Variants in SASS6 observed in about 807,000 individuals in gnomAD.
SASS6 encodes the protein SAS-6 centriolar assembly protein.
SASS6 carries 59 observed loss-of-function variants against 94.9 expected under a neutral mutation model. The ratio of observed to expected loss-of-function variants is 0.62; its 90% confidence interval spans 0.50 to 0.77. The LOEUF (loss-of-function observed/expected upper bound fraction) is 0.77. Ranked by LOEUF, SASS6 falls within the 30% of genes least tolerant of loss-of-function variation. The probability of loss-of-function intolerance (pLI) is 0.00; values close to 1 mark genes in which losing one functional copy is unlikely to be tolerated. For missense variants in SASS6, 698 were observed against 734.1 expected (o/e 0.95, Z 0.57); for synonymous variants, 264 against 270.0 (o/e 0.98, Z 0.22).
chr1:100,101,390 C>G (rs1652492575), intron 14 of SASS6, among the ~76,000 whole-genome samples: 1 of 151,070 alleles, frequency 6.6e-6, no homozygotes, highest in African/African-American at 2.4e-5. Flanking sequence ...ATCACCGATA[C>G]AGGAAACACT....
intron 14 of SASS6, among the ~76,000 whole-genome samples, chr1:100,095,648 A>G (rs974600064): frequency 2.6e-5 from 4 of 152,274 alleles, no homozygotes; most frequent in Non-Finnish European, 4.4e-5. Flanking sequence ...TTCAGATGAC[A>G]TAACTGTCTA....
chr1:100,120,460 C>A lies in SASS6; in HGVS notation c.484-1G>T. On this transcript the variant is annotated splice_acceptor_variant, in intron 5 of 16. Coordinates refer to ENST00000287482, the MANE Select transcript of SASS6 (RefSeq NM_194292.3). LOFTEE classifies it high-confidence loss of function. ...ATTGCATCAATGATAATTTTTCTTC[C>A]TATTCATAAAAATAATAAAATTACA... 1 of 1,339,594 alleles carries A rather than the reference C, an allele frequency of 7.5e-7. No individual in the cohort carries two copies. Among genetic ancestry groups the A allele is most frequent in the East Asian group, 2.3e-5 (1 of 43,546 alleles). 83.0% of individuals were successfully genotyped at this position (1,339,594 alleles called of 1,614,324 possible).
chr1:100,126,866 A>C (rs1654660996), intron 1 of SASS6, among the ~76,000 whole-genome samples: 1 of 152,252 alleles, frequency 6.6e-6, no homozygotes, highest in African/African-American at 2.4e-5. Flanking sequence ...TATTCCCTAC[A>C]TTTATTCATA....
At chr1:100,118,887 G>A (rs1469853204) in intron 7 of SASS6, 131 bp downstream of exon 7, 2 of 497,506 alleles carry the variant, frequency 4.0e-6, no homozygotes, top group Non-Finnish European at 3.2e-6. Flanking sequence ...TGAAAGAGAG[G>A]ATTTTTATTT....
At position 100,110,429 on chromosome 1, in the gene SASS6, G is replaced by A; in HGVS notation, c.724C>T (p.Leu242Phe). 5 of 1,611,170 alleles carry A rather than the reference G, an allele frequency of 3.1e-6. No individual in the cohort carries two copies. Among genetic ancestry groups the A allele is most frequent in the African/African-American group, 1.3e-5 (1 of 74,856 alleles). The change falls in exon 8 of 17, where the codon CTC becomes TTC. Residue 242 changes from leucine to phenylalanine, a missense_variant. Physicochemically the swap from Leu to Phe is conservative, Grantham distance 22. Coordinates refer to ENST00000287482, the MANE Select transcript of SASS6 (RefSeq NM_194292.3). ...HEQQKKDLEILHQQNIHQLQN... is the reference protein window; with the variant it reads ...HEQQKKDLEIFHQQNIHQLQN... Reference sequence around the variant, plus strand: ...AGCTGGTGGATGTTTTGTTGATGGAGGATTTCTAAATCTTTTTTCTGTTGT... The same window carrying A: ...AGCTGGTGGATGTTTTGTTGATGGAAGATTTCTAAATCTTTTTTCTGTTGT...
chr1:100,127,487 T>C (rs973487019), intron 1 of SASS6, among the ~76,000 whole-genome samples: 1 of 152,112 alleles, frequency 6.6e-6, no homozygotes, highest in African/African-American at 2.4e-5. Flanking sequence ...GTTGAACATA[T>C]GATTGGATGC....
At chr1:100,093,605 T>A (rs906657999) in intron 14 of SASS6, among the ~76,000 whole-genome samples, 1 of 151,502 alleles carries the variant, frequency 6.6e-6, no homozygotes, top group Non-Finnish European at 1.5e-5. Context: ...TACAAAAAAA[T>A]ACGAAAATTA....
At chr1:100,105,345 G>A (rs1652818758) in intron 13 of SASS6, among the ~76,000 whole-genome samples, 1 of 152,058 alleles carries the variant, frequency 6.6e-6, no homozygotes, top group South Asian at 2.1e-4. Flanking sequence ...TGGCTAACAG[G>A]GTGAAATCTG....
In SASS6 at chr1:100,107,887, A is replaced by C; in HGVS notation, c.979T>G (p.Leu327Val). 6.2e-7 allele frequency: 1 copy of C among 1,612,868 alleles called. No homozygotes were observed. Among genetic ancestry groups the C allele is most frequent in the Non-Finnish European group, 8.5e-7 (1 of 1,179,080 alleles). ...VNQLQTKVAV[L>V]EQEIKDKDQL... ...TCCTTATCCTTGATTTCCTGTTCTA[A>C]AACTGCCACTTTTGTTTGTAGCTGA... Residue 327 changes from leucine to valine, a missense_variant, in exon 9 of 17, where the codon TTA becomes GTA. Leu to Val is a conservative substitution (Grantham distance 32). Coordinates refer to ENST00000287482, the MANE Select transcript of SASS6 (RefSeq NM_194292.3).
At position 100,107,828 on chromosome 1, in the gene SASS6, A is replaced by G; in HGVS notation, c.1038T>C (p.Asp346=). 1 of 1,610,810 alleles carries G rather than the reference A, an allele frequency of 6.2e-7. No individual in the cohort carries two copies. Among genetic ancestry groups the G allele is most frequent in the Non-Finnish European group, 8.5e-7 (1 of 1,177,502 alleles). Reference sequence around the variant, plus strand: ...AGTAGACCTTTTGTTCCTGGATTGTATCAAATGCCTCTTTTGTTCTTAAAA... The same window carrying G: ...AGTAGACCTTTTGTTCCTGGATTGTGTCAAATGCCTCTTTTGTTCTTAAAA... ...QLVLRTKEAF[D]TIQEQKVVLE... Residue 346 remains aspartate (D), a synonymous_variant, in exon 9 of 17, where the codon GAT becomes GAC. Coordinates refer to ENST00000287482, the MANE Select transcript of SASS6 (RefSeq NM_194292.3).
chr1:100,085,600 G>A lies in SASS6; in HGVS notation c.1803C>T (p.Tyr601=). 3 of 1,611,814 alleles carry A rather than the reference G, an allele frequency of 1.9e-6. No individual in the cohort carries two copies. The highest frequency in any genetic ancestry group is 1.3e-5 in the African/African-American group (1 of 74,954). The change falls in exon 16 of 17, where the codon TAC becomes TAT. Residue 601 remains tyrosine, a synonymous_variant. Coordinates refer to ENST00000287482, the MANE Select transcript of SASS6 (RefSeq NM_194292.3). Reference sequence around the variant, plus strand: ...GAATGCTATCTTCCCTTTTCTTCAGGTATTTGGATTCCAACCCTACATTTT... The same window carrying A: ...GAATGCTATCTTCCCTTTTCTTCAGATATTTGGATTCCAACCCTACATTTT... ...NGENVGLESK[Y]LKKREDSIPL...
rs370706685 is a variant in SASS6 at position 100,105,937 on chromosome 1, T to C, written c.1409-34A>G. ...AAAGAACAAGAAGCAAGGTAAAGAA[T>C]ATTGACTGTTTATTTTTCTAATCAT... On this transcript the variant is annotated intron_variant, in intron 12 of 16. Coordinates refer to ENST00000287482, the MANE Select transcript of SASS6 (RefSeq NM_194292.3). The C allele has an allele frequency of 1.1e-5, 15 of 1,390,102 alleles. No homozygotes were observed. In the African/African-American group the frequency reaches 2.2e-4, roughly 20 times the overall value. 86.1% of individuals were successfully genotyped at this position (1,390,102 alleles called of 1,614,324 possible).
At chr1:100,090,737 G>T (rs1651614016) in intron 14 of SASS6, among the ~76,000 whole-genome samples, 1 of 152,096 alleles carries the variant, frequency 6.6e-6, no homozygotes, top group Non-Finnish European at 1.5e-5. Context: ...AGCACGGAAA[G>T]GAAACCTAGG....
Position 100,088,157 on chromosome 1 carries a change from C to G in SASS6, c.1754G>C (p.Cys585Ser), listed in dbSNP as rs1651434831. 1.3e-6 allele frequency: 2 copies of G among 1,590,460 alleles called. No individual in the cohort carries two copies. The highest frequency in any genetic ancestry group is 1.7e-6 in the Non-Finnish European group (2 of 1,159,076). The stretch of plus-strand genomic sequence containing the variant: ...CACTTACTTTTCCTTATCAGTTGAG[C>G]AAGGCATACTAATAGTTGCTCCTGA... ...VQSGATISMP[C>S]STDKENGENV... is the part of the protein sequence containing the mutation. Residue 585 changes from cysteine to serine, a missense_variant, in exon 15 of 17, where the codon TGC becomes TCC. Transcript: ENST00000287482.
chr1:100,105,727 A>T, intron 13 of SASS6, 40 bp downstream of exon 13: 1 of 1,589,678 alleles, frequency 6.3e-7, no homozygotes, highest in Non-Finnish European at 8.6e-7. Context: ...TTGTTTCAGG[A>T]AATTCACTAA....
At chr1:100,105,324 C>G (rs1369592204) in intron 13 of SASS6, among the ~76,000 whole-genome samples, 3 of 152,064 alleles carry the variant, frequency 2.0e-5, no homozygotes, top group African/African-American at 7.2e-5. Context: ...GTCAGGAGAT[C>G]AAGACCATCC....
Position 100,132,915 on chromosome 1 carries a change from C to G in SASS6, c.-101G>C, listed in dbSNP as rs139123325. The G allele has an allele frequency of 3.6e-4, 432 of 1,215,008 alleles. 3 individuals carry two copies. In the African/African-American group the frequency reaches 5.5e-3, roughly 16 times the overall value. The allele number at this position is 1,215,008 out of a possible 1,614,324, so 75.3% of individuals were successfully genotyped here. The stretch of plus-strand genomic sequence containing the variant: ...GTCCTGATAAAGTTTGAGTTTGGCG[C>G]TCGGCTTCTGCGGAGGAGGCGGGGA... On this transcript the variant is annotated 5_prime_UTR_variant, in exon 1 of 17. Transcript: ENST00000287482.
At chr1:100,115,978 A>G (rs576281562) in intron 7 of SASS6, among the ~76,000 whole-genome samples, 16 of 152,316 alleles carry the variant, frequency 1.1e-4, no homozygotes, top group African/African-American at 3.8e-4. Context: ...AATTAAACAA[A>G]TATTAGAATA....
intron 1 of SASS6, among the ~76,000 whole-genome samples, chr1:100,131,199 T>C (rs1427096867): frequency 6.6e-6 from 1 of 151,754 alleles, no homozygotes; most frequent in Non-Finnish European, 1.5e-5. Flanking sequence ...TTTTTCTTTT[T>C]TTTTTTTCAG....
Sources: gnomAD v4.1 joint callset for allele counts (sites outside exome capture counted in the v4.1 genomes callset) on GRCh38, gnomAD v4.1.1 for gene constraint, MANE v1.5 for transcripts, NCBI Gene and HGNC (gene_info 2026-07-23, HGNC 2026-07-21) for gene names.